GCKR: variants seen among roughly 807,000 people sequenced by gnomAD.
The protein encoded by GCKR is glucokinase regulatory protein.
GCKR carries 73 observed loss-of-function variants against 82.9 expected under a neutral mutation model. The observed-to-expected ratio is 0.88, with a 90% confidence interval of 0.73 to 1.07. The LOEUF (loss-of-function observed/expected upper bound fraction) is 1.07, where lower values mean the gene tolerates loss of function less well. Among genes scored for constraint, GCKR ranks in the 50% least tolerant of loss-of-function variants. GCKR has a pLI of 0.00. For synonymous variants in GCKR, 294 were observed against 291.8 expected, an observed-to-expected ratio of 1.01 and a Z score of -0.08; for missense variants, 784 against 782.1, an observed-to-expected ratio of 1.00 and a Z score of -0.03.
Position 27,518,798 on chromosome 2 carries a change from G to A in GCKR, c.1433G>A (p.Arg478His), listed in dbSNP as rs141361209. Residue 478 changes from arginine (R) to histidine (H), a missense_variant, in exon 17 of 19, where the codon CGT becomes CAT. Arg to His is a conservative substitution (Grantham distance 29). Coordinates refer to ENST00000264717, the MANE Select transcript of GCKR (RefSeq NM_001486.4). Reference protein sequence around the residue: ...YEGNFIQKFQRELSTKWVLNT... With the variant: ...YEGNFIQKFQHELSTKWVLNT... ...GTCTGCCCTTTTCAGAAGTTCCAGCGTGAGCTAAGCACCAAATGGGTGCTG... is the reference window on the plus strand; with the variant it reads ...GTCTGCCCTTTTCAGAAGTTCCAGCATGAGCTAAGCACCAAATGGGTGCTG... 554 of 1,613,428 alleles carry A rather than the reference G, an allele frequency of 3.4e-4. No homozygotes were observed. The highest frequency in any genetic ancestry group is 4.2e-4 in the Non-Finnish European group (501 of 1,179,334).
chr2:27,499,665 C>T (rs1294170375), intron 7 of GCKR, among the ~76,000 whole-genome samples: 2 of 152,224 alleles, frequency 1.3e-5, no homozygotes, highest in East Asian at 3.9e-4. Flanking sequence ...ATCAATCAAT[C>T]AACAACCAAG....
intron 16 of GCKR, among the ~76,000 whole-genome samples, chr2:27,515,837 C>T (rs529175304): frequency 4.1e-5 from 6 of 146,966 alleles, no homozygotes; most frequent in African/African-American, 1.5e-4. Flanking sequence ...GATCAGATTT[C>T]ACTGCAACCT....
intron 16 of GCKR, among the ~76,000 whole-genome samples, chr2:27,515,500 T>G (rs974889600): frequency 2.6e-5 from 4 of 151,962 alleles, no homozygotes; most frequent in African/African-American, 9.7e-5. Flanking sequence ...GGTCTTAAAC[T>G]CCTGACCTCA....
At chr2:27,518,566 G>A (rs959667678) in intron 16 of GCKR, among the ~76,000 whole-genome samples, 5 of 152,134 alleles carry the variant, frequency 3.3e-5, no homozygotes, top group African/African-American at 1.2e-4. Context: ...CTACCTAGGG[G>A]TCAAAAACAC....
At chr2:27,522,376 C>T in intron 17 of GCKR, 84 bp from the exon 18 acceptor site, 2 of 1,409,076 alleles carry the variant, frequency 1.4e-6, no homozygotes, top group Admixed American at 1.7e-5. Flanking sequence ...GCCTCTCACT[C>T]TCATAGTTTA....
chr2:27,505,741 C>G lies in GCKR; in HGVS notation c.774C>G (p.Ser258=). ...AIGPEGLSGS[S]RMKGGSATKI... is the part of the protein sequence containing the mutation. ...AGCCCGAGGGTCTCAGCGGCTCCTC[C>G]CGGATGAAAGGTGGAAGTGCCACCA... The change falls in exon 10 of 19, where the codon TCC becomes TCG. Residue 258 remains serine (S), a synonymous_variant. Coordinates refer to ENST00000264717, the MANE Select transcript of GCKR (RefSeq NM_001486.4). The G allele has an allele frequency of 6.2e-7, 1 of 1,610,674 alleles. No individual in the cohort carries two copies.
At chr2:27,506,377 T>A (rs1669743332) in intron 10 of GCKR, 104 bp from the exon 11 acceptor site, 8 of 799,184 alleles carry the variant, frequency 1.0e-5, no homozygotes, top group Non-Finnish European at 1.8e-5. Flanking sequence ...CCAGCAGAAT[T>A]TAGTTCTAAG....
At chr2:27,518,292 A>G (rs1381605647) in intron 16 of GCKR, among the ~76,000 whole-genome samples, 1 of 152,162 alleles carries the variant, frequency 6.6e-6, no homozygotes, top group Non-Finnish European at 1.5e-5. Flanking sequence ...GTGATCCCCC[A>G]ACCTTGGCCT....
chr2:27,501,340 C>G, intron 8 of GCKR, 111 bp downstream of exon 8: 2 of 790,268 alleles, frequency 2.5e-6, no homozygotes. Flanking sequence ...CACCAAATCT[C>G]AGAATATTAA....
intron 12 of GCKR, 120 bp from the exon 13 acceptor site, chr2:27,507,115 C>T (rs1669767722): frequency 1.1e-5 from 9 of 814,378 alleles, no homozygotes; most frequent in Non-Finnish European, 2.0e-5. Flanking sequence ...AAGGGCTACT[C>T]CTCACTCTAC....
intron 5 of GCKR, 94 bp from the exon 6 acceptor site, chr2:27,499,048 C>A: frequency 1.2e-6 from 1 of 807,454 alleles, no homozygotes; most frequent in Admixed American, 1.8e-5. Flanking sequence ...TGATAGTTTT[C>A]CCTTTATGCG....
chr2:27,514,279 A>G (rs1297647204), intron 16 of GCKR, among the ~76,000 whole-genome samples: 1 of 152,160 alleles, frequency 6.6e-6, no homozygotes, highest in African/African-American at 2.4e-5. Flanking sequence ...ACACACATAC[A>G]TCTATATATA....
At position 27,506,972 on chromosome 2, in the gene GCKR, C is replaced by T. The variant is rs1390098270; in HGVS notation, c.1066+87C>T. 5 of 900,982 alleles carry T rather than the reference C, an allele frequency of 5.5e-6. No individual in the cohort carries two copies. The East Asian group carries it at 9.6e-5, about 17-fold the overall frequency. 55.8% of individuals were successfully genotyped at this position (900,982 alleles called of 1,614,324 possible). On this transcript the variant is annotated intron_variant, in intron 12 of 18. Transcript: ENST00000264717. Reference sequence around the variant, plus strand: ...TCCAAACACTGTCCTACTCCCAACCCATGGGTGTTCCTCAGTGTCCCACCT... The same window carrying T: ...TCCAAACACTGTCCTACTCCCAACCTATGGGTGTTCCTCAGTGTCCCACCT...
Position 27,498,316 on chromosome 2 carries a change from T to C in GCKR, c.347T>C (p.Leu116Pro). The change falls in exon 4 of 19, where the codon CTC becomes CCC. Residue 116 changes from leucine to proline, a missense_variant. Physicochemically the swap from Leu to Pro is moderately conservative, Grantham distance 98. Coordinates refer to ENST00000264717, the MANE Select transcript of GCKR (RefSeq NM_001486.4). ...GGGTSGRMAFLMSVSFNQLMK... is the reference protein window; with the variant it reads ...GGGTSGRMAFPMSVSFNQLMK... Reference sequence around the variant, plus strand: ...GGCACCTCTGGCCGGATGGCATTCCTCATGTCGGTGAGCACCCTGGTCTCC... The same window carrying C: ...GGCACCTCTGGCCGGATGGCATTCCCCATGTCGGTGAGCACCCTGGTCTCC... The C allele has an allele frequency of 6.2e-7, 1 of 1,611,946 alleles. No individual in the cohort carries two copies. Among genetic ancestry groups the C allele is most frequent in the South Asian group, 1.1e-5 (1 of 91,032 alleles).
At chr2:27,507,635 T>C (rs2148585666) in intron 13 of GCKR, 46 bp from the exon 14 acceptor site, 2 of 1,008,690 alleles carry the variant, frequency 2.0e-6, no homozygotes, top group East Asian at 2.4e-5. Flanking sequence ...GTCTGTGCTT[T>C]AGAGTGTTTT....
chr2:27,515,026 G>A (rs1278741994), intron 16 of GCKR, among the ~76,000 whole-genome samples: 3 of 152,102 alleles, frequency 2.0e-5, no homozygotes, highest in Non-Finnish European at 4.4e-5. Context: ...CACCCAGGCT[G>A]GAGTGCAGTG....
Position 27,518,791 on chromosome 2 carries a change from T to C in GCKR, c.1426T>C (p.Phe476Leu). 2 of 1,613,460 alleles carry C rather than the reference T, an allele frequency of 1.2e-6. No individual in the cohort carries two copies. The highest frequency in any genetic ancestry group is 1.7e-6 in the Non-Finnish European group (2 of 1,179,330). Residue 476 changes from phenylalanine to leucine, a missense_variant, in exon 17 of 19, where the codon TTC becomes CTC. Physicochemically the swap from Phe to Leu is conservative, Grantham distance 22 (BLOSUM62 0). Coordinates refer to ENST00000264717, the MANE Select transcript of GCKR (RefSeq NM_001486.4). Reference sequence around the variant, plus strand: ...CCCATGTGTCTGCCCTTTTCAGAAGTTCCAGCGTGAGCTAAGCACCAAATG... The same window carrying C: ...CCCATGTGTCTGCCCTTTTCAGAAGCTCCAGCGTGAGCTAAGCACCAAATG... ...FEYEGNFIQK[F>L]QRELSTKWVL...
intron 16 of GCKR, among the ~76,000 whole-genome samples, chr2:27,508,476 AGGCC>A (rs764096219): frequency 2.0e-5 from 3 of 152,204 alleles, no homozygotes; most frequent in Non-Finnish European, 4.4e-5. Context: ...GTTGCGGGAT[AGGCC>A]TCCAGTCACC....
At chr2:27,509,740 C>CA (rs1300707638) in intron 16 of GCKR, 9 of 62,586 alleles carry the variant, frequency 1.4e-4, no homozygotes, top group Non-Finnish European at 2.6e-4. Flanking sequence ...TACAGAAATG[C>CA]AAAAAAGAAA....
Sources: allele counts gnomAD v4.1 joint callset (sites outside exome capture counted in the v4.1 genomes callset), GRCh38; gene constraint gnomAD v4.1.1; transcripts MANE v1.5; gene names NCBI Gene and HGNC (gene_info 2026-07-23, HGNC 2026-07-21).